ADAMTS16: variants seen among roughly 807,000 people sequenced by gnomAD.
ADAMTS16 encodes ADAM metallopeptidase with thrombospondin type 1 motif 16.
A neutral mutation model predicts 145.8 loss-of-function variants in ADAMTS16; 94 were observed. That is an observed-to-expected ratio of 0.64 (90% CI 0.55 to 0.77). ADAMTS16 has a LOEUF of 0.77. ADAMTS16 is among the 30% of genes least tolerant of loss of function. The pLI is 0.00. For synonymous variants in ADAMTS16, 659 were observed against 604.3 expected (o/e 1.09, Z -1.33); for missense variants, 1,585 against 1,591.5 (o/e 1.00, Z 0.07).
At chr5:5,235,390 T>A (rs1737076638) in intron 13 of ADAMTS16, among the ~76,000 whole-genome samples, 1 of 152,032 alleles carries the variant, frequency 6.6e-6, no homozygotes, top group African/African-American at 2.4e-5. Context: ...AGCGGTGAGG[T>A]CAGAAATCAA....
chr5:5,263,893 G>A (rs1029998406), intron 18 of ADAMTS16, among the ~76,000 whole-genome samples: 2 of 152,168 alleles, frequency 1.3e-5, no homozygotes, highest in African/African-American at 4.8e-5. Context: ...CACCATCCAA[G>A]AAGAATGAGG....
intron 18 of ADAMTS16, among the ~76,000 whole-genome samples, chr5:5,284,366 G>A (rs1739035770): frequency 1.3e-5 from 2 of 152,060 alleles, no homozygotes; most frequent in Non-Finnish European, 2.9e-5. Flanking sequence ...ATTTTATATT[G>A]TGTACCTCTA....
In ADAMTS16 at chr5:5,262,643, A is replaced by G. The variant is rs1579353256; in HGVS notation, c.2663-14A>G. ...CATGTGAGTCTTTATTCTACATTTC[A>G]TCCTTGCCTGCAGGACAGATGACCG... On this transcript the variant is annotated splice_polypyrimidine_tract_variant and intron_variant, in intron 17 of 22. Coordinates refer to ENST00000274181, the MANE Select transcript of ADAMTS16 (RefSeq NM_139056.4). The G allele has an allele frequency of 6.2e-7, 1 of 1,610,348 alleles. No individual in the cohort carries two copies.
At chr5:5,302,065 T>C (rs1739801151) in intron 18 of ADAMTS16, among the ~76,000 whole-genome samples, 1 of 152,138 alleles carries the variant, frequency 6.6e-6, no homozygotes, top group Non-Finnish European at 1.5e-5. Context: ...TCCTGCCCAG[T>C]GAGTCCCTGT....
Position 5,222,912 on chromosome 5 carries a change from C to T in ADAMTS16, c.1701+28C>T, listed in dbSNP as rs565325205. On this transcript the variant is annotated intron_variant, in intron 11 of 22. Transcript: ENST00000274181. ...AAGAAGCTAACTGTAGGTACAGCAT[C>T]GTATTCAGATGCTAGTCTTTCAACC... The T allele has an allele frequency of 7.5e-6, 12 of 1,598,474 alleles. No homozygotes were observed. The Admixed American group carries it at 8.3e-5, about 11-fold the overall frequency.
chr5:5,202,824 A>G (rs1299169795), intron 9 of ADAMTS16, among the ~76,000 whole-genome samples: 5 of 152,230 alleles, frequency 3.3e-5, no homozygotes, highest in Non-Finnish European at 7.3e-5. Flanking sequence ...CCAAGTTATT[A>G]AAGTCCAAAA....
At chr5:5,176,385 C>T (rs1304697185) in intron 3 of ADAMTS16, among the ~76,000 whole-genome samples, 1 of 152,206 alleles carries the variant, frequency 6.6e-6, no homozygotes, top group East Asian at 1.9e-4. Context: ...GAGGAAGTCA[C>T]AAATATTATC....
intron 13 of ADAMTS16, among the ~76,000 whole-genome samples, chr5:5,236,285 A>T (rs946186983): frequency 7.9e-5 from 11 of 139,204 alleles, no homozygotes; most frequent in African/African-American, 2.9e-4. Flanking sequence ...AATTTTCATC[A>T]TTAATTGTCC....
At position 5,148,291 on chromosome 5, in the gene ADAMTS16, G is replaced by A. The variant is rs370904558; in HGVS notation, c.501+1836G>A. On this transcript the variant is annotated intron_variant, in intron 3 of 22. Coordinates refer to ENST00000274181, the MANE Select transcript of ADAMTS16 (RefSeq NM_139056.4). ...GGCTTAGTGTTTTCGTCATAAGACA[G>A]GACAAATCAAAGGCATTTGAAAGAG... Among the ~76,000 whole-genome samples the A allele has an allele frequency of 7.0e-4, 107 of 152,284 alleles. 2 individuals carry two copies. The highest frequency in any genetic ancestry group is 2.6e-3 in the African/African-American group (106 of 41,564).
At chr5:5,188,483 A>T (rs2126572268) in intron 6 of ADAMTS16, among the ~76,000 whole-genome samples, 1 of 152,218 alleles carries the variant, frequency 6.6e-6, no homozygotes, top group South Asian at 2.1e-4. Flanking sequence ...AGTAATGGGG[A>T]GGCATTTTAG....
intron 2 of ADAMTS16, 118 bp downstream of exon 2, chr5:5,140,884 T>A (rs1374591961): frequency 1.9e-6 from 2 of 1,040,256 alleles, no homozygotes; most frequent in East Asian, 3.2e-5. Context: ...ACTTTTAAGA[T>A]GCTGTTGTGA....
intron 18 of ADAMTS16, among the ~76,000 whole-genome samples, chr5:5,278,670 T>A (rs1738787858): frequency 6.6e-6 from 1 of 152,188 alleles, no homozygotes. Flanking sequence ...TTGGGACACC[T>A]TAGTGAATAA....
chr5:5,175,104 G>A (rs1735150944), intron 3 of ADAMTS16, among the ~76,000 whole-genome samples: 1 of 152,184 alleles, frequency 6.6e-6, no homozygotes, highest in African/African-American at 2.4e-5. Context: ...AACTGGAAAT[G>A]TGCTACGTCA....
At chr5:5,175,258 C>T (rs1013243386) in intron 3 of ADAMTS16, among the ~76,000 whole-genome samples, 4 of 152,162 alleles carry the variant, frequency 2.6e-5, no homozygotes, top group African/African-American at 9.7e-5. Context: ...CCCTTCAATG[C>T]AGCTGGTTCC....
chr5:5,216,642 C>T (rs1384287711), intron 10 of ADAMTS16, among the ~76,000 whole-genome samples: 2 of 147,274 alleles, frequency 1.4e-5, no homozygotes, highest in Non-Finnish European at 3.0e-5. Context: ...TTTTAGGGTA[C>T]ATGTGCACAT....
chr5:5,149,026 C>T (rs1297659891), intron 3 of ADAMTS16, among the ~76,000 whole-genome samples: 1 of 152,172 alleles, frequency 6.6e-6, no homozygotes, highest in Non-Finnish European at 1.5e-5. Flanking sequence ...GAAGGAGTAA[C>T]AAGCAGTCCT....
At chr5:5,147,871 G>C (rs1174138118) in intron 3 of ADAMTS16, among the ~76,000 whole-genome samples, 1 of 152,126 alleles carries the variant, frequency 6.6e-6, no homozygotes, top group Non-Finnish European at 1.5e-5. Context: ...AATTGGTGAG[G>C]TGCTTCTTGC....
At chr5:5,140,564 C>T in intron 1 of ADAMTS16, 25 bp downstream of exon 1, 1 of 1,499,650 alleles carries the variant, frequency 6.7e-7, no homozygotes, top group Non-Finnish European at 8.8e-7. Flanking sequence ...CTCCCACCAG[C>T]GCGGAAACCG....
At chr5:5,140,936 G>A (rs1734150018) in intron 2 of ADAMTS16, among the ~76,000 whole-genome samples, 170 bp downstream of exon 2, 1 of 152,026 alleles carries the variant, frequency 6.6e-6, no homozygotes, top group Non-Finnish European at 1.5e-5. Flanking sequence ...CCCGATGAGT[G>A]GATTTCCACC....
Sources: gnomAD v4.1 joint callset for allele counts (sites outside exome capture counted in the v4.1 genomes callset) on GRCh38, gnomAD v4.1.1 for gene constraint, MANE v1.5 for transcripts, NCBI Gene and HGNC (gene_info 2026-07-23, HGNC 2026-07-21) for gene names.